NTSR1: variants seen among roughly 807,000 people sequenced by gnomAD.
NTSR1 encodes the protein neurotensin receptor type 1.
A neutral mutation model predicts 31.2 loss-of-function variants in NTSR1; 29 were observed. That is an observed-to-expected ratio of 0.93 (90% confidence interval 0.69 to 1.27). The LOEUF (loss-of-function observed/expected upper bound fraction) is 1.27. NTSR1 is among the 50% of genes most tolerant of loss of function. The probability of loss-of-function intolerance (pLI) is 0.00; values close to 1 mark genes in which losing one functional copy is unlikely to be tolerated. For synonymous variants in NTSR1, 282 were observed against 269.9 expected (o/e 1.04, Z -0.44); for missense variants, 697 against 595.4 (o/e 1.17, Z -1.78).
chr20:62,752,144 G>A (rs935315227), intron 1 of NTSR1, among the ~76,000 whole-genome samples: 4 of 152,158 alleles, frequency 2.6e-5, no homozygotes, highest in African/African-American at 9.7e-5. Context: ...TGATCTCAAC[G>A]GGTCCTTCTG....
intron 1 of NTSR1, among the ~76,000 whole-genome samples, chr20:62,735,975 T>C (rs11908375): frequency 0.12 from 17,540 of 152,264 alleles, 2,476 homozygotes; most frequent in African/African-American, 0.31. Flanking sequence ...TGTATTCAAC[T>C]GTTCCCTTCA....
chr20:62,710,771 C>T (rs577068544), intron 1 of NTSR1, among the ~76,000 whole-genome samples: 10 of 152,230 alleles, frequency 6.6e-5, no homozygotes, highest in Non-Finnish European at 1.0e-4. Context: ...ACCAAAGCCC[C>T]GAGCAGGAGG....
chr20:62,755,272 C>CAT, intron 2 of NTSR1, among the ~76,000 whole-genome samples: 1 of 137,004 alleles, frequency 7.3e-6, no homozygotes, highest in Non-Finnish European at 1.6e-5. Context: ...TCCATCCATC[C>CAT]CTCTCTCCCT....
Position 62,749,481 on chromosome 20 carries a change from A to AT in NTSR1, c.715-5197dup, listed in dbSNP as rs991526219. Among the ~76,000 whole-genome samples the AT allele has an allele frequency of 3.3e-5, 5 of 152,204 alleles. No individual in the cohort carries two copies. The East Asian group carries it at 5.8e-4, about 18-fold the overall frequency. ...CTTCTTGACATTGGTCTTGGCAGTGATTTTTTTATGACAGCAAAAACACAG... is the reference window on the plus strand; with the variant it reads ...CTTCTTGACATTGGTCTTGGCAGTGATTTTTTTTATGACAGCAAAAACACAG... On this transcript the variant is annotated intron_variant, in intron 1 of 3. Coordinates refer to ENST00000370501, the MANE Select transcript of NTSR1 (RefSeq NM_002531.3).
In NTSR1 at chr20:62,711,504, G is replaced by A. The variant is rs1474451394; in HGVS notation, c.714+1583G>A. 6.6e-6 allele frequency among the ~76,000 whole-genome samples: 1 copy of A among 151,974 alleles called. No individual in the cohort carries two copies. On this transcript the variant is annotated intron_variant, in intron 1 of 3. Coordinates refer to ENST00000370501, the MANE Select transcript of NTSR1 (RefSeq NM_002531.3). The surrounding 1 kb of genome is among the most constrained non-coding windows in gnomAD (Gnocchi z 6.4). ...CAGAAGGTGGGCAGTGGAGGGGTCA[G>A]CGCTGTCACTGCCCACCCAGGAGAT... is the stretch of plus-strand genomic sequence containing the variant.
intron 2 of NTSR1, among the ~76,000 whole-genome samples, chr20:62,757,975 C>A (rs1989540929): frequency 6.6e-6 from 1 of 151,898 alleles, no homozygotes; most frequent in African/African-American, 2.4e-5. Flanking sequence ...CGCCTCTGTG[C>A]CTCAGGTGCA....
Position 62,760,276 on chromosome 20 carries a change from C to T in NTSR1, c.*9C>T, listed in dbSNP as rs16983222. On this transcript the variant is annotated 3_prime_UTR_variant, in exon 4 of 4. Transcript: ENST00000370501. The stretch of plus-strand genomic sequence containing the variant: ...GCGAGACGCTGTACTAGGCTGTGCG[C>T]CCCGGAACGTGTCCAGGAGGAGCCT... The T allele has an allele frequency of 2.2e-3, 3,481 of 1,595,884 alleles. 53 individuals carry two copies. In the African/African-American group the frequency reaches 0.038, roughly 18 times the overall value.
chr20:62,729,247 G>A (rs1055956366), intron 1 of NTSR1, among the ~76,000 whole-genome samples: 1 of 152,238 alleles, frequency 6.6e-6, no homozygotes, highest in African/African-American at 2.4e-5. Context: ...GCTCCGGGAG[G>A]AGGGCAGGGT....
chr20:62,755,399 CA>C (rs1568711509), intron 2 of NTSR1, among the ~76,000 whole-genome samples: 1 of 54 alleles, frequency 0.019, no homozygotes, highest in Non-Finnish European at 0.036. Flanking sequence ...TCCCTCCATC[CA>C]TCATTCCATC....
intron 1 of NTSR1, among the ~76,000 whole-genome samples, chr20:62,723,559 G>A (rs1988858209): frequency 6.6e-6 from 1 of 152,188 alleles, no homozygotes; most frequent in Non-Finnish European, 1.5e-5. Context: ...TGGAGCTGAG[G>A]GATAAGCCAT....
intron 1 of NTSR1, among the ~76,000 whole-genome samples, chr20:62,717,941 C>T (rs1259902259): frequency 6.6e-6 from 1 of 151,988 alleles, no homozygotes; most frequent in Non-Finnish European, 1.5e-5. Flanking sequence ...ACGGGGGGAG[C>T]GTGGGGGTGC....
rs1988671310 is a variant in NTSR1 at position 62,714,203 on chromosome 20, AGCTCTG to A, written c.714+4291_714+4296del. On this transcript the variant is annotated intron_variant, in intron 1 of 3. Transcript: ENST00000370501. This position sits in a 1 kb window ranked among gnomAD's most constrained non-coding sequence, Gnocchi z 4.1. Reference sequence around the variant, plus strand: ...GGACCCACGCCACGCAGCTGTGGGCAGCTCTGGCTCTGGCCGTAGCGGCCACAGTGT... The same window carrying A: ...GGACCCACGCCACGCAGCTGTGGGCAGCTCTGGCCGTAGCGGCCACAGTGT... Among the ~76,000 whole-genome samples, 1 of 152,254 alleles carries A rather than the reference AGCTCTG, an allele frequency of 6.6e-6. No homozygotes were observed. The highest frequency in any genetic ancestry group is 2.1e-4 in the South Asian group (1 of 4,836).
rs2273075 is a variant in NTSR1 at position 62,754,880 on chromosome 20, G to T, written c.910G>T (p.Val304Phe). Residue 304 changes from valine (V) to phenylalanine (F), a missense_variant, in exon 2 of 4, where the codon GTC (valine) becomes TTC (phenylalanine). Transcript: ENST00000370501. Reference sequence around the variant, plus strand: ...CCAGGCCCTGCGGCACGGCGTGCGCGTCCTACGTACGTAACCTCTGGGCCC... The same window carrying T: ...CCAGGCCCTGCGGCACGGCGTGCGCTTCCTACGTACGTAACCTCTGGGCCC... ...RVQALRHGVR[V>F]LRAVVIAFVV... 1 of 1,597,408 alleles carries T rather than the reference G, an allele frequency of 6.3e-7. No homozygotes were observed. Among genetic ancestry groups the T allele is most frequent in the Non-Finnish European group, 8.5e-7 (1 of 1,176,450 alleles).
intron 1 of NTSR1, among the ~76,000 whole-genome samples, chr20:62,719,220 T>C (rs1988789340): frequency 6.6e-6 from 1 of 152,204 alleles, no homozygotes; most frequent in Admixed American, 6.5e-5. Context: ...CTGAGAGATT[T>C]TTTTCTTCAT....
chr20:62,743,959 G>A lies in NTSR1; in HGVS notation c.715-10726G>A, dbSNP rs1600730681. ...CTCCCCACCTGGTCTCCACGGCCAA[G>A]CTCAGACCAACCACCCAGAGGCTGC... On this transcript the variant is annotated intron_variant, in intron 1 of 3. Coordinates refer to ENST00000370501, the MANE Select transcript of NTSR1 (RefSeq NM_002531.3). The surrounding 1 kb of genome is among the most constrained non-coding windows in gnomAD (Gnocchi z 7.5). Among the ~76,000 whole-genome samples the A allele has an allele frequency of 3.9e-5, 6 of 152,270 alleles. No individual in the cohort carries two copies. The Middle Eastern group carries it at 0.017, about 432-fold the overall frequency.
intron 1 of NTSR1, among the ~76,000 whole-genome samples, chr20:62,718,942 G>A (rs563113280): frequency 7.2e-5 from 11 of 152,260 alleles, no homozygotes; most frequent in South Asian, 6.2e-4. Flanking sequence ...TTTCCTAAGC[G>A]ATGCGCTGTT....
chr20:62,726,774 C>T (rs1156478541), intron 1 of NTSR1, among the ~76,000 whole-genome samples: 1 of 151,916 alleles, frequency 6.6e-6, no homozygotes, highest in African/African-American at 2.4e-5. Context: ...AGGAACAGGT[C>T]CATGCTCCCC....
intron 1 of NTSR1, among the ~76,000 whole-genome samples, chr20:62,710,960 TCCC>T (rs373659595): frequency 1.5e-4 from 23 of 152,080 alleles, no homozygotes; most frequent in African/African-American, 5.3e-4. Flanking sequence ...TGGCTGGCTG[TCCC>T]CCCAACTCCC....
At chr20:62,717,971 C>T (rs1335756004) in intron 1 of NTSR1, among the ~76,000 whole-genome samples, 1 of 152,026 alleles carries the variant, frequency 6.6e-6, no homozygotes, top group African/African-American at 2.4e-5. Flanking sequence ...AGGAAGGCCT[C>T]GTGCAGACCC....
Sources: allele counts gnomAD v4.1 joint callset (sites outside exome capture counted in the v4.1 genomes callset), GRCh38; gene constraint gnomAD v4.1.1; non-coding constraint Gnocchi (gnomAD v3.1); transcripts MANE v1.5; gene names NCBI Gene and HGNC (gene_info 2026-07-23, HGNC 2026-07-21).